The following DMWD variants were observed in gnomAD, a reference collection of about 807,000 sequenced individuals.
DMWD encodes dystrophia myotonica WD repeat-containing protein.
In DMWD, 19 loss-of-function variants were observed where a neutral mutation model predicts 45.8. The observed-to-expected ratio is 0.41, with a 90% confidence interval of 0.29 to 0.61. The LOEUF (loss-of-function observed/expected upper bound fraction) is 0.61, where lower values mean the gene tolerates loss of function less well. Ranked by LOEUF, DMWD falls within the 20% of genes least tolerant of loss-of-function variation. The probability of loss-of-function intolerance (pLI) is 0.25; values close to 1 mark genes in which losing one functional copy is unlikely to be tolerated. For synonymous variants in DMWD, 515 were observed against 440.5 expected (o/e 1.17, Z -2.12); for missense variants, 802 against 965.2 (o/e 0.83, Z 2.24).
chr19:45,783,955 T>G lies in DMWD; in HGVS notation c.*288A>C. ...GGGGCGGGGAGTCTCTCCCCAGGAG[T>G]GACCAGTCACATGCTGGGGACAGGG... On this transcript the variant is annotated 3_prime_UTR_variant, in exon 5 of 5. Transcript: ENST00000270223. The G allele has an allele frequency of 1.7e-6, 1 of 580,988 alleles. No individual in the cohort carries two copies. The highest frequency in any genetic ancestry group is 3.3e-5 in the East Asian group (1 of 30,312). The allele number at this position is 580,988 out of a possible 1,614,324, so 36.0% of individuals were successfully genotyped here. A position where few individuals can be genotyped will look rare whatever the true frequency, so the allele number is the denominator to read the frequency against.
rs536428243 is a variant in DMWD at position 45,792,447 on chromosome 19, G to T, written c.310C>A (p.Pro104Thr). ...GGCTCCCCGGCCCCGGCGCTGTCCG[G>T]CTCCCCGAGGCGCACGAGGCTGAGG... The part of the protein sequence containing the change: ...VRLSLVRLGE[P>T]DSAGAGEPPA... The change falls in exon 1 of 5, where the codon CCG becomes ACG. Residue 104 changes from proline (P) to threonine (T), a missense_variant. By Grantham distance (38) the Pro-to-Thr change is conservative (BLOSUM62 -1). Transcript: ENST00000270223. 6.7e-7 allele frequency: 1 copy of T among 1,494,282 alleles called. No individual in the cohort carries two copies. The highest frequency in any genetic ancestry group is 8.9e-7 in the Non-Finnish European group (1 of 1,119,698). 92.6% of individuals were successfully genotyped at this position (1,494,282 alleles called of 1,614,324 possible).
chr19:45,792,576 G>C lies in DMWD; in HGVS notation c.181C>G (p.Pro61Ala). The C allele has an allele frequency of 7.8e-7, 1 of 1,277,386 alleles. No individual in the cohort carries two copies. Among genetic ancestry groups the C allele is most frequent in the Non-Finnish European group, 1.0e-6 (1 of 996,410 alleles). The allele number at this position is 1,277,386 out of a possible 1,614,324, so 79.1% of individuals were successfully genotyped here. A position where few individuals can be genotyped will look rare whatever the true frequency, so the allele number is the denominator to read the frequency against. Residue 61 changes from proline (P) to alanine (A), a missense_variant, in exon 1 of 5, where the codon CCC (proline) becomes GCC (alanine). Pro to Ala is a conservative substitution (Grantham distance 27). Around this residue, in one of 9 missense-constraint regions of DMWD, gnomAD observed 151 missense variants for 128.1 expected, o/e 1.18. Coordinates refer to ENST00000270223, the MANE Select transcript of DMWD (RefSeq NM_004943.2). ...QTPVPPQPPQPPPGPASASGP... is the reference protein window; with the variant it reads ...QTPVPPQPPQAPPGPASASGP... ...GAGGCGGAGGCAGGGCCGGGCGGGG[G>C]CTGCGGTGGCTGAGGCGGCACCGGA...
Position 45,792,377 on chromosome 19 carries a change from C to T in DMWD, c.380G>A (p.Cys127Tyr). The change falls in exon 1 of 5, where the codon TGC becomes TAC. Residue 127 changes from cysteine (C) to tyrosine (Y), a missense_variant. By Grantham distance (194) the Cys-to-Tyr change is radical. This residue lies in a region of DMWD where 82 missense variants were observed against 92.9 expected (regional missense o/e 0.88). Transcript: ENST00000270223. Reference sequence around the variant, plus strand: ...ATAGAGCTCACGGCCCAAGTTGAAGCAGACGCGGTCTCCCCCCGAGCCCAG... The same window carrying T: ...ATAGAGCTCACGGCCCAAGTTGAAGTAGACGCGGTCTCCCCCCGAGCCCAG... The part of the protein sequence containing the change: ...AGLGSGGDRV[C>Y]FNLGRELYFY... The T allele has an allele frequency of 6.2e-7, 1 of 1,607,648 alleles. No homozygotes were observed. The highest frequency in any genetic ancestry group is 1.1e-5 in the South Asian group (1 of 90,522).
intron 4 of DMWD, 165 bp downstream of exon 4, chr19:45,784,476 T>C (rs765081411): frequency 3.2e-5 from 42 of 1,329,488 alleles, no homozygotes; most frequent in Non-Finnish European, 3.8e-5. Flanking sequence ...GCTAGCTTCC[T>C]GTCCTGGCAG....
In DMWD at chr19:45,792,430, G is replaced by A. The variant is rs181759157; in HGVS notation, c.327C>T (p.Ala109=). The A allele has an allele frequency of 1.0e-3, 1,587 of 1,547,520 alleles. 14 individuals carry two copies. The African/African-American group carries it at 0.019, about 19-fold the overall frequency. Residue 109 remains alanine, a synonymous_variant, in exon 1 of 5, where the codon GCC becomes GCT. Coordinates refer to ENST00000270223, the MANE Select transcript of DMWD (RefSeq NM_004943.2). ...CCGCGGGCGTGGCGGGCGGCTCCCCGGCCCCGGCGCTGTCCGGCTCCCCGA... is the reference window on the plus strand; with the variant it reads ...CCGCGGGCGTGGCGGGCGGCTCCCCAGCCCCGGCGCTGTCCGGCTCCCCGA... ...VRLGEPDSAG[A]GEPPATPAGL...
In DMWD at chr19:45,792,590, G is replaced by A; in HGVS notation, c.167C>T (p.Pro56Leu). 1 of 1,297,802 alleles carries A rather than the reference G, an allele frequency of 7.7e-7. No individual in the cohort carries two copies. The highest frequency in any genetic ancestry group is 9.9e-7 in the Non-Finnish European group (1 of 1,006,478). The allele number at this position is 1,297,802 out of a possible 1,614,324, so 80.4% of individuals were successfully genotyped here. Reference sequence around the variant, plus strand: ...GCCGGGCGGGGGCTGCGGTGGCTGAGGCGGCACCGGAGTCTGGGCGGAAGC... The same window carrying A: ...GCCGGGCGGGGGCTGCGGTGGCTGAAGCGGCACCGGAGTCTGGGCGGAAGC... ...GPASAQTPVP[P>L]QPPQPPPGPA... is the part of the protein sequence containing the mutation. Residue 56 changes from proline to leucine, a missense_variant, in exon 1 of 5, where the codon CCT becomes CTT. Around this residue, in one of 9 missense-constraint regions of DMWD, gnomAD observed 151 missense variants for 128.1 expected, o/e 1.18. Transcript: ENST00000270223.
chr19:45,784,282 G>C lies in DMWD; in HGVS notation c.1986C>G (p.Ser662=). The stretch of plus-strand genomic sequence containing the variant: ...CACTCGGGGAGTTGCCTGGTTGGGA[G>C]GAGATGCCCTGGGGAAGATGAGAGG... The part of the protein sequence containing the change: ...SPSKSVVEGI[S]SQPGNSPSGT... Residue 662 remains serine, a synonymous_variant, in exon 5 of 5, where the codon TCC becomes TCG. Transcript: ENST00000270223. 5.9e-6 allele frequency: 9 copies of C among 1,516,320 alleles called. No homozygotes were observed. The highest frequency in any genetic ancestry group is 7.9e-6 in the Non-Finnish European group (9 of 1,132,848). The allele number at this position is 1,516,320 out of a possible 1,614,324, so 93.9% of individuals were successfully genotyped here.
chr19:45,784,358 G>A (rs1478090469), intron 4 of DMWD, 68 bp from the exon 5 acceptor site: 3 of 1,453,752 alleles, frequency 2.1e-6, no homozygotes, highest in Admixed American at 4.7e-5. Context: ...GTGTCAAGGG[G>A]AGGGAGCCAG....
chr19:45,786,641 C>T lies in DMWD; in HGVS notation c.855G>A (p.Gly285=). The T allele has an allele frequency of 6.2e-7, 1 of 1,612,284 alleles. No homozygotes were observed. Among genetic ancestry groups the T allele is most frequent in the Non-Finnish European group, 8.5e-7 (1 of 1,178,758 alleles). ...NPLAKWAVGE[G]PLNEFAFSPD... is the part of the protein sequence containing the mutation. ...GCGAGAAGGCGAACTCGTTGAGGGG[C>T]CCCTCACCCACCGCCCACTTGGCCA... is the stretch of plus-strand genomic sequence containing the variant. The change falls in exon 3 of 5, where the codon GGG becomes GGA. Residue 285 remains glycine (G), a synonymous_variant. Coordinates refer to ENST00000270223, the MANE Select transcript of DMWD (RefSeq NM_004943.2).
At position 45,792,551 on chromosome 19, in the gene DMWD, G is replaced by A. The variant is rs977555074; in HGVS notation, c.206C>T (p.Ser69Phe). The A allele has an allele frequency of 1.1e-4, 136 of 1,185,646 alleles. No individual in the cohort carries two copies. The highest frequency in any genetic ancestry group is 1.4e-4 in the Non-Finnish European group (132 of 953,074). 73.4% of individuals were successfully genotyped at this position (1,185,646 alleles called of 1,614,324 possible). Reference protein sequence around the residue: ...PQPPPGPASASGPGAAGPASS... With the variant: ...PQPPPGPASAFGPGAAGPASS... ...CGCGGGGCCTGCAGCGCCGGGACCGGAGGCGGAGGCAGGGCCGGGCGGGGG... is the reference window on the plus strand; with the variant it reads ...CGCGGGGCCTGCAGCGCCGGGACCGAAGGCGGAGGCAGGGCCGGGCGGGGG... Residue 69 changes from serine to phenylalanine, a missense_variant, in exon 1 of 5, where the codon TCC (serine) becomes TTC (phenylalanine). Ser to Phe is a radical substitution (Grantham distance 155). This residue lies in a region of DMWD where 151 missense variants were observed against 128.1 expected (regional missense o/e 1.18). Transcript: ENST00000270223.
chr19:45,786,283 G>GCTC lies in DMWD; in HGVS notation c.1210_1212dup (p.Glu404dup), dbSNP rs749626372. The GCTC allele has an allele frequency of 1.1e-5, 17 of 1,604,554 alleles. No homozygotes were observed. The highest frequency in any genetic ancestry group is 1.0e-4 in the Admixed American group (6 of 59,564). ...GCCGAGCCTGTGCCCGCAGCCTCGG[G>GCTC]CTCCTCCTCCTCCTCTTCGCCGCTC... On this transcript the variant is annotated inframe_insertion, in exon 3 of 5. Coordinates refer to ENST00000270223, the MANE Select transcript of DMWD (RefSeq NM_004943.2).
chr19:45,791,722 C>T (rs1213737157), intron 1 of DMWD, among the ~76,000 whole-genome samples: 2 of 152,054 alleles, frequency 1.3e-5, no homozygotes, highest in African/African-American at 4.8e-5. Flanking sequence ...CTGCAGATTC[C>T]CCTGCCAGGG....
Position 45,785,972 on chromosome 19 carries a change from C to A in DMWD, c.1524G>T (p.Pro508=), listed in dbSNP as rs575519431. 1.3e-6 allele frequency: 2 copies of A among 1,574,204 alleles called. No individual in the cohort carries two copies. The highest frequency in any genetic ancestry group is 1.7e-6 in the Non-Finnish European group (2 of 1,162,002). The part of the protein sequence containing the change: ...HPAGGGKAGG[P]GVAAEPGTPF... ...GTGTGCCAGGCTCTGCCGCCACACC[C>A]GGGCCGCCCGCCTTGCCCCCGCCAG... is the stretch of plus-strand genomic sequence containing the variant. Residue 508 remains proline, a synonymous_variant, in exon 3 of 5, where the codon CCG becomes CCT. Coordinates refer to ENST00000270223, the MANE Select transcript of DMWD (RefSeq NM_004943.2).
chr19:45,784,185 G>A lies in DMWD; in HGVS notation c.*58C>T. On this transcript the variant is annotated 3_prime_UTR_variant, in exon 5 of 5. Transcript: ENST00000270223. ...TACGTTGATCTGTGAGGTCAGCAGGGAGGGTTATGGCTAGGAGGCTGGGGG... is the reference window on the plus strand; with the variant it reads ...TACGTTGATCTGTGAGGTCAGCAGGAAGGGTTATGGCTAGGAGGCTGGGGG... 1 of 1,449,862 alleles carries A rather than the reference G, an allele frequency of 6.9e-7. No homozygotes were observed. Among genetic ancestry groups the A allele is most frequent in the Non-Finnish European group, 9.6e-7 (1 of 1,038,558 alleles). The allele number at this position is 1,449,862 out of a possible 1,614,324, so 89.8% of individuals were successfully genotyped here. A position where few individuals can be genotyped will look rare whatever the true frequency, so the allele number is the denominator to read the frequency against.
chr19:45,792,477 CGGCGGGCAG>C lies in DMWD; in HGVS notation c.271_279del (p.Leu91_Ala93del). The C allele has an allele frequency of 8.0e-7, 1 of 1,254,148 alleles. No homozygotes were observed. Among genetic ancestry groups the C allele is most frequent in the Non-Finnish European group, 1.0e-6 (1 of 995,070 alleles). 77.7% of individuals were successfully genotyped at this position (1,254,148 alleles called of 1,614,324 possible). ...CCGAGGCGCACGAGGCTGAGGCGCA[CGGCGGGCAG>C]GGCGGGCCCGGGTCCGGGGCCTGCG... On this transcript the variant is annotated inframe_deletion, in exon 1 of 5. Coordinates refer to ENST00000270223, the MANE Select transcript of DMWD (RefSeq NM_004943.2).
rs763827394 is a variant in DMWD at position 45,786,745 on chromosome 19, G to T, written c.751C>A (p.Pro251Thr). ...YNVSHPCASAPPQYSLLKQGE... is the reference protein window; with the variant it reads ...YNVSHPCASATPQYSLLKQGE... ...TGCTTCAGCAGGCTGTACTGGGGCG[G>T]GGCCGAGGCGCAGGGGTGGCTGACG... Residue 251 changes from proline to threonine, a missense_variant, in exon 3 of 5, where the codon CCG becomes ACG. Pro to Thr is a conservative substitution (Grantham distance 38). This residue lies in a region of DMWD where 146 missense variants were observed against 212.8 expected (regional missense o/e 0.69). Coordinates refer to ENST00000270223, the MANE Select transcript of DMWD (RefSeq NM_004943.2). 3 of 1,613,984 alleles carry T rather than the reference G, an allele frequency of 1.9e-6. No homozygotes were observed. The Admixed American group carries it at 5.0e-5, about 27-fold the overall frequency.
In DMWD at chr19:45,785,818, CACT is replaced by C. The variant is rs1970263501; in HGVS notation, c.1675_1677del (p.Ser559del). 1.9e-6 allele frequency: 3 copies of C among 1,611,318 alleles called. No individual in the cohort carries two copies. Among genetic ancestry groups the C allele is most frequent in the Admixed American group, 1.7e-5 (1 of 60,004 alleles). Reference sequence around the variant, plus strand: ...ACAGGGCCGCTGGGCTTCTCCCCACCACTGCCACTGCCGCCACTGCCACCCCGG... The same window carrying C: ...ACAGGGCCGCTGGGCTTCTCCCCACCGCCACTGCCGCCACTGCCACCCCGG... On this transcript the variant is annotated inframe_deletion, in exon 3 of 5. Transcript: ENST00000270223.
rs201554700 is a variant in DMWD, at chr19:45,785,950, T to C, written c.1546A>G (p.Thr516Ala). ...GCGAAGCGGCCAATGCTGAATGGTG[T>C]GCCAGGCTCTGCCGCCACACCCGGG... is the stretch of plus-strand genomic sequence containing the variant. ...GGPGVAAEPG[T>A]PFSIGRFATL... The change falls in exon 3 of 5, where the codon ACA becomes GCA. Residue 516 changes from threonine to alanine, a missense_variant. Thr to Ala is a moderately conservative substitution (Grantham distance 58). This residue lies in a region of DMWD where 303 missense variants were observed against 332.9 expected (regional missense o/e 0.91). Coordinates refer to ENST00000270223, the MANE Select transcript of DMWD (RefSeq NM_004943.2). The C allele has an allele frequency of 6.3e-4, 1,004 of 1,585,542 alleles. 2 individuals carry two copies. Among genetic ancestry groups the C allele is most frequent in the Non-Finnish European group, 8.1e-4 (952 of 1,168,970 alleles).
At chr19:45,784,385 C>G in intron 4 of DMWD, 95 bp from the exon 5 acceptor site, 1 of 1,367,564 alleles carries the variant, frequency 7.3e-7, no homozygotes, top group East Asian at 2.4e-5. Context: ...GTCCCCAAAG[C>G]TGCTGCCACC....
Sources: gnomAD v4.1 joint callset for allele counts (sites outside exome capture counted in the v4.1 genomes callset) on GRCh38, gnomAD v4.1.1 for gene constraint, gnomAD v4.1.1 regional missense constraint, MANE v1.5 for transcripts, NCBI Gene and HGNC (gene_info 2026-07-23, HGNC 2026-07-21) for gene names.